BPIFB3: variants seen among roughly 807,000 people sequenced by gnomAD.
BPIFB3 encodes BPI fold containing family B member 3, also known as BPI fold-containing family B member 3.
BPIFB3 carries 49 observed loss-of-function variants against 53.1 expected under a neutral mutation model. The observed-to-expected ratio is 0.92, with a 90% confidence interval of 0.73 to 1.17. BPIFB3 has a LOEUF of 1.17. BPIFB3 is among the 50% of genes most tolerant of loss of function. BPIFB3 has a pLI of 0.00. For missense variants in BPIFB3, 628 were observed against 592.5 expected, an observed-to-expected ratio of 1.06 and a Z score of -0.62; for synonymous variants, 271 against 269.6, an observed-to-expected ratio of 1.01 and a Z score of -0.05.
At chr20:33,055,291 T>C, upstream of BPIFB3, 1 of 1,379,334 alleles carries the variant, frequency 7.2e-7, no homozygotes, top group South Asian at 1.3e-5. Context: ...AGGAGAAGGC[T>C]TTCCTGGGAG....
chr20:33,068,938 A>G lies in BPIFB3; in HGVS notation c.1114A>G (p.Lys372Glu). Residue 372 changes from lysine (K) to glutamate (E), a missense_variant, in exon 10 of 15, where the codon AAG becomes GAG. By Grantham distance (56) the Lys-to-Glu change is moderately conservative. Coordinates refer to ENST00000375494, the Ensembl canonical transcript of BPIFB3. Reference sequence around the variant, plus strand: ...CATCCATGTGCTGTTCTATGTCCCTAAGGGGACCCCTGAATCCCTCTTTGA... The same window carrying G: ...CATCCATGTGCTGTTCTATGTCCCTGAGGGGACCCCTGAATCCCTCTTTGA... The G allele has an allele frequency of 6.2e-7, 1 of 1,613,800 alleles. No individual in the cohort carries two copies. Among genetic ancestry groups the G allele is most frequent in the Admixed American group, 1.7e-5 (1 of 60,002 alleles).
intron 2 of BPIFB3, 75 bp from the exon 4 acceptor site, chr20:33,059,303 C>G (rs1463587693): frequency 8.0e-6 from 9 of 1,124,658 alleles, no homozygotes; most frequent in Admixed American, 2.0e-5. Flanking sequence ...GGGGACACCA[C>G]CAAGAGCCAC....
intron 8 of BPIFB3, among the ~76,000 whole-genome samples, chr20:33,065,603 A>T (rs1980640037): frequency 9.0e-6 from 1 of 111,704 alleles, no homozygotes; most frequent in African/African-American, 3.9e-5. Context: ...GGAAGGAAAG[A>T]AGGAAGGAAG....
At chr20:33,073,672 T>C, downstream of BPIFB3, 1 of 1,573,260 alleles carries the variant, frequency 6.4e-7, no homozygotes, top group Non-Finnish European at 8.7e-7. Flanking sequence ...CTGCCTCAAT[T>C]TCCCTCCCAG....
At chr20:33,056,767 T>A (rs994849123) in intron 2 of BPIFB3, 69 bp downstream of exon 3, 2 of 1,491,712 alleles carry the variant, frequency 1.3e-6, no homozygotes, top group Admixed American at 2.3e-5. Context: ...GGAGAGATTG[T>A]CTCTTTGTAA....
At chr20:33,069,015 C>T in intron 10 of BPIFB3, 42 bp downstream of exon 11, 1 of 1,589,780 alleles carries the variant, frequency 6.3e-7, no homozygotes, top group Non-Finnish European at 8.6e-7. Flanking sequence ...CATTGGGGTT[C>T]CAAATGGGGG....
upstream of BPIFB3, chr20:33,055,342 G>T: frequency 1.3e-6 from 2 of 1,575,834 alleles, no homozygotes; most frequent in Middle Eastern, 2.1e-4. Flanking sequence ...CAGGAAGGGG[G>T]AAGGCTGATA....
At chr20:33,055,350 A>G, upstream of BPIFB3, 1 of 1,583,070 alleles carries the variant, frequency 6.3e-7, no homozygotes, top group Non-Finnish European at 8.6e-7. Context: ...GGGAAGGCTG[A>G]TAATGGGAAC....
intron 5 of BPIFB3, among the ~76,000 whole-genome samples, chr20:33,062,665 A>G (rs1980507396): frequency 6.6e-6 from 1 of 152,208 alleles, no homozygotes; most frequent in Non-Finnish European, 1.5e-5. Context: ...GAAAACGAGC[A>G]TTCATTGCCA....
intron 1 of BPIFB3, 60 bp from the exon 3 acceptor site, chr20:33,056,482 C>G (rs991666614): frequency 2.7e-4 from 433 of 1,588,658 alleles, no homozygotes; most frequent in Middle Eastern, 6.3e-4. Context: ...AGGCAGCTGC[C>G]ATGGTCCTGG....
At chr20:33,056,752 A>T in intron 2 of BPIFB3, 54 bp downstream of exon 3, 3 of 1,506,602 alleles carry the variant, frequency 2.0e-6, no homozygotes, top group Non-Finnish European at 2.6e-6. Context: ...GCTTCCAGGA[A>T]TTGAGGAGAG....
At chr20:33,068,588 G>C (rs1318710758) in intron 9 of BPIFB3, among the ~76,000 whole-genome samples, 1 of 152,162 alleles carries the variant, frequency 6.6e-6, no homozygotes, top group Non-Finnish European at 1.5e-5. Context: ...GACTCTGCTT[G>C]AGACAGGAAG....
At chr20:33,057,841 T>C (rs1980286458) in intron 2 of BPIFB3, among the ~76,000 whole-genome samples, 1 of 152,154 alleles carries the variant, frequency 6.6e-6, no homozygotes, top group African/African-American at 2.4e-5. Context: ...AAAGTATTTT[T>C]GAATGAATGA....
chr20:33,069,992 T>C lies in BPIFB3; in HGVS notation c.1217+37T>C, dbSNP rs1471153051. 15 of 1,602,386 alleles carry C rather than the reference T, an allele frequency of 9.4e-6. No homozygotes were observed. In the African/African-American group the frequency reaches 1.3e-4, roughly 14 times the overall value. Reference sequence around the variant, plus strand: ...TCCTGGGGACAGGATCTTGTTCTTGTCTTTAGGAACAAGAATTAGGGGCTG... The same window carrying C: ...TCCTGGGGACAGGATCTTGTTCTTGCCTTTAGGAACAAGAATTAGGGGCTG... On this transcript the variant is annotated intron_variant, in intron 11 of 14. Transcript: ENST00000375494.
intron 12 of BPIFB3, among the ~76,000 whole-genome samples, chr20:33,071,886 G>A (rs1296549030): frequency 6.6e-6 from 1 of 152,218 alleles, no homozygotes; most frequent in African/African-American, 2.4e-5. Context: ...GGGGCCTGGG[G>A]TAAAGCCAGC....
chr20:33,070,222 C>A (rs980704599), intron 11 of BPIFB3, among the ~76,000 whole-genome samples: 11 of 152,184 alleles, frequency 7.2e-5, no homozygotes, highest in African/African-American at 2.7e-4. Context: ...GAAAGATAAA[C>A]CTGCCGCCAG....
rs143918747 is a variant in BPIFB3 at position 33,063,666 on chromosome 20, G to T, written c.643G>T (p.Ala215Ser). The T allele has an allele frequency of 5.3e-5, 85 of 1,613,888 alleles. No individual in the cohort carries two copies. In the African/African-American group the frequency reaches 9.5e-4, roughly 18 times the overall value. ...GGGTGTGGTGAATGAGCTCCTGGGGGCTGTGCTGGGTAAGTCAGGGCTCAA... is the reference window on the plus strand; with the variant it reads ...GGGTGTGGTGAATGAGCTCCTGGGGTCTGTGCTGGGTAAGTCAGGGCTCAA... Residue 215 changes from alanine (A) to serine (S), a missense_variant, in exon 6 of 15, where the codon GCT becomes TCT. Transcript: ENST00000375494.
intron 5 of BPIFB3, among the ~76,000 whole-genome samples, chr20:33,062,213 T>C (rs748907912): frequency 6.6e-6 from 1 of 152,242 alleles, no homozygotes; most frequent in African/African-American, 2.4e-5. Flanking sequence ...GAAAAACACA[T>C]GTACCTTTAT....
At chr20:33,063,910 A>G (rs1171210884) in intron 6 of BPIFB3, among the ~76,000 whole-genome samples, 1 of 152,202 alleles carries the variant, frequency 6.6e-6, no homozygotes. Flanking sequence ...GGTGCTGCAG[A>G]CCAACACTTA....
Sources: gnomAD v4.1 joint callset for allele counts (sites outside exome capture counted in the v4.1 genomes callset) on GRCh38, gnomAD v4.1.1 for gene constraint, MANE v1.5 for transcripts, NCBI Gene and HGNC (gene_info 2026-07-23, HGNC 2026-07-21) for gene names.